PNPLA1: variants seen among roughly 807,000 people sequenced by gnomAD.
PNPLA1 encodes patatin like domain 1, omega-hydroxyceramide transacylase, also known as omega-hydroxyceramide transacylase.
In PNPLA1, 36 loss-of-function variants were observed where a neutral mutation model predicts 51.7. That is an observed-to-expected ratio of 0.70 (90% CI 0.53 to 0.92). PNPLA1 has a LOEUF of 0.92. Ranked by LOEUF, PNPLA1 falls within the 40% of genes least tolerant of loss-of-function variation. The pLI is 0.00. For synonymous variants in PNPLA1, 293 were observed against 280.1 expected (o/e 1.05, Z -0.46); for missense variants, 658 against 682.5 (o/e 0.96, Z 0.40).
At chr6:36,255,293 T>C (rs1021277985) in intron 1 of PNPLA1, among the ~76,000 whole-genome samples, 41 of 151,788 alleles carry the variant, frequency 2.7e-4, no homozygotes, top group African/African-American at 9.7e-4. Flanking sequence ...TCACCTGAGG[T>C]TGGGAGTTCG....
In PNPLA1 at chr6:36,313,309, C is replaced by T. The variant is rs571407672; in HGVS notation, c.*1423C>T. On this transcript the variant is annotated 3_prime_UTR_variant, in exon 9 of 9. Coordinates refer to ENST00000636260, the MANE Select transcript of PNPLA1 (RefSeq NM_001374623.1). ...GCCTGTCCAGAAAATAATTGCCCCC[C>T]TCCTCCCCAGAGAGCAGACAACCTC... 7.9e-5 allele frequency among the ~76,000 whole-genome samples: 12 copies of T among 152,324 alleles called. No individual in the cohort carries two copies. Among genetic ancestry groups the T allele is most frequent in the African/African-American group, 2.9e-4 (12 of 41,580 alleles).
upstream of PNPLA1, among the ~76,000 whole-genome samples, chr6:36,265,430 A>G (rs1043202838): frequency 2.0e-5 from 3 of 152,368 alleles, no homozygotes; most frequent in South Asian, 2.1e-4. Context: ...TCTAACAAAA[A>G]TAAGTTGGTA....
At chr6:36,280,589 G>T in intron 1 of PNPLA1, among the ~76,000 whole-genome samples, 1 of 152,132 alleles carries the variant, frequency 6.6e-6, no homozygotes, top group Admixed American at 6.5e-5. Flanking sequence ...TTTAAGCAGA[G>T]GTCTCATTTC....
intron 1 of PNPLA1, among the ~76,000 whole-genome samples, chr6:36,282,489 G>T (rs1190024601): frequency 2.6e-5 from 4 of 152,170 alleles, no homozygotes; most frequent in African/African-American, 9.7e-5. Context: ...TAGTAGAAGA[G>T]CATTGAATGG....
chr6:36,284,913 A>G (rs968119411), intron 1 of PNPLA1, among the ~76,000 whole-genome samples: 7 of 152,164 alleles, frequency 4.6e-5, no homozygotes, highest in Middle Eastern at 3.2e-3. Flanking sequence ...TCTAGTAGTG[A>G]CACTGTAGCT....
intron 1 of PNPLA1, among the ~76,000 whole-genome samples, chr6:36,277,733 C>T (rs1011919195): frequency 2.6e-5 from 4 of 152,204 alleles, no homozygotes; most frequent in Admixed American, 2.6e-4. Flanking sequence ...GTGTGGTGAC[C>T]TGTCCCTATA....
intron 1 of PNPLA1, among the ~76,000 whole-genome samples, chr6:36,244,546 C>A (rs1156528787): frequency 6.6e-6 from 1 of 152,134 alleles, no homozygotes; most frequent in Non-Finnish European, 1.5e-5. Context: ...CGACCTTATG[C>A]AGTTACAACC....
chr6:36,294,371 C>T lies in PNPLA1; in HGVS notation c.686C>T (p.Thr229Ile). 6.2e-7 allele frequency: 1 copy of T among 1,614,146 alleles called. No individual in the cohort carries two copies. Among genetic ancestry groups the T allele is most frequent in the South Asian group, 1.1e-5 (1 of 91,086 alleles). Residue 229 changes from threonine to isoleucine, a missense_variant, in exon 4 of 9, where the codon ACC becomes ATC. Thr to Ile is a moderately conservative substitution (Grantham distance 89). Transcript: ENST00000636260. The surrounding 1 kb of genome is among the most constrained non-coding windows in gnomAD (Gnocchi z 4.2). ...QFSLENIARM[T>I]HALFPPDLVI... ...TCCCTGGAGAACATCGCCAGGATGA[C>T]CCACGCATTGTTCCCCCCGGACCTG...
intron 1 of PNPLA1, among the ~76,000 whole-genome samples, chr6:36,274,886 T>C (rs1770043682): frequency 6.6e-6 from 1 of 152,174 alleles, no homozygotes; most frequent in Non-Finnish European, 1.5e-5. Context: ...TCCTACTGAG[T>C]TATCTTTTTC....
intron 1 of PNPLA1, among the ~76,000 whole-genome samples, chr6:36,247,207 C>T (rs1180597167): frequency 6.6e-6 from 1 of 152,228 alleles, no homozygotes; most frequent in African/African-American, 2.4e-5. Context: ...TTGGAGCCAT[C>T]GCCCCTCAGG....
At chr6:36,300,178 T>TGTGTGTGTGTGTGTGTGTGA in intron 5 of PNPLA1, among the ~76,000 whole-genome samples, 1 of 98,088 alleles carries the variant, frequency 1.0e-5, no homozygotes, top group African/African-American at 3.3e-5. Context: ...TGTGTGTGTG[T>TGTGTGTGTGTGTGTGTGTGA]GAGAGAGAGA....
At chr6:36,280,276 G>A (rs1033914492) in intron 1 of PNPLA1, among the ~76,000 whole-genome samples, 6 of 152,178 alleles carry the variant, frequency 3.9e-5, no homozygotes, top group Non-Finnish European at 8.8e-5. Flanking sequence ...TGGTAATTGT[G>A]AGCTCATCTG....
intron 1 of PNPLA1, among the ~76,000 whole-genome samples, chr6:36,261,528 T>TCATC (rs1387037487): frequency 6.6e-6 from 1 of 152,250 alleles, no homozygotes; most frequent in Non-Finnish European, 1.5e-5. Context: ...TACAATTCAT[T>TCATC]CATCAGGCTT....
At chr6:36,296,615 C>T (rs1770864981) in intron 5 of PNPLA1, among the ~76,000 whole-genome samples, 3 of 152,102 alleles carry the variant, frequency 2.0e-5, no homozygotes. Context: ...TTATTTTTCC[C>T]TTCTTCAAAA....
At chr6:36,297,889 C>CACACACACACA (rs1554138562) in intron 5 of PNPLA1, among the ~76,000 whole-genome samples, 1 of 70,526 alleles carries the variant, frequency 1.4e-5, no homozygotes, top group African/African-American at 3.1e-5. Context: ...CACACACACA[C>CACACACACACA]CCTGTGAAAC....
chr6:36,276,601 T>A (rs1770106193), intron 1 of PNPLA1, among the ~76,000 whole-genome samples: 1 of 152,216 alleles, frequency 6.6e-6, no homozygotes, highest in Admixed American at 6.5e-5. Flanking sequence ...TGCATTTGCA[T>A]AATTTTGAAA....
At chr6:36,255,254 C>G (rs1769506422) in intron 1 of PNPLA1, among the ~76,000 whole-genome samples, 1 of 152,102 alleles carries the variant, frequency 6.6e-6, no homozygotes, top group South Asian at 2.1e-4. Context: ...CCTGTAATCC[C>G]AGCACTTTGG....
chr6:36,299,166 C>A (rs893351115), intron 5 of PNPLA1, among the ~76,000 whole-genome samples: 5 of 152,166 alleles, frequency 3.3e-5, no homozygotes, highest in African/African-American at 1.2e-4. Flanking sequence ...GATGTCTCTT[C>A]CAGATCCTAT....
At chr6:36,263,335 C>G (rs1289037452) in intron 1 of PNPLA1, among the ~76,000 whole-genome samples, 1 of 152,166 alleles carries the variant, frequency 6.6e-6, no homozygotes. Context: ...AAAGACAACA[C>G]TCCCCCTGCC....
Sources: gnomAD v4.1 joint callset for allele counts (sites outside exome capture counted in the v4.1 genomes callset) on GRCh38, gnomAD v4.1.1 for gene constraint, Gnocchi (gnomAD v3.1) non-coding constraint, MANE v1.5 for transcripts, NCBI Gene and HGNC (gene_info 2026-07-23, HGNC 2026-07-21) for gene names.